The following MRE11 variants were observed in gnomAD, a reference collection of about 807,000 sequenced individuals.
MRE11 encodes the protein MRE11 double strand break repair nuclease.
In MRE11, 62 loss-of-function variants were observed where a neutral mutation model predicts 91.7. The observed-to-expected ratio is 0.68, with a 90% CI of 0.55 to 0.84. The LOEUF (loss-of-function observed/expected upper bound fraction) is 0.84, where lower values mean the gene tolerates loss of function less well. MRE11 is among the 40% of genes least tolerant of loss of function. The pLI is 0.00. For synonymous variants in MRE11, 273 were observed against 271.4 expected (o/e 1.01, Z -0.06); for missense variants, 796 against 852.9 (o/e 0.93, Z 0.83).
intron 14 of MRE11, among the ~76,000 whole-genome samples, chr11:94,452,392 G>T (rs1316537497): frequency 6.6e-6 from 1 of 152,032 alleles, no homozygotes; most frequent in Non-Finnish European, 1.5e-5. Context: ...GACTTGTAAA[G>T]ATCAAAAGAT....
chr11:94,456,422 C>G, intron 13 of MRE11, 84 bp from the exon 14 acceptor site: 1 of 1,058,978 alleles, frequency 9.4e-7, no homozygotes, highest in Non-Finnish European at 1.4e-6. Context: ...TTAAGAAATG[C>G]TTTATGTTAT....
intron 14 of MRE11, among the ~76,000 whole-genome samples, chr11:94,454,282 C>T (rs1346255609): frequency 1.3e-5 from 2 of 151,992 alleles, no homozygotes; most frequent in African/African-American, 4.8e-5. Flanking sequence ...CCATGTTGCC[C>T]AGGCTGGTCT....
Position 94,418,289 on chromosome 11 carries a change from A to C in MRE11, c.*1836T>G. ...TCACAAAATGACCTGAATTAGCTGG[A>C]GAGATTTATCACCCTCTGTAACTGC... On this transcript the variant is annotated 3_prime_UTR_variant, in exon 20 of 20. Transcript: ENST00000323929. 1 of 233,178 alleles carries C rather than the reference A, an allele frequency of 4.3e-6. No individual in the cohort carries two copies. The highest frequency in any genetic ancestry group is 8.5e-6 in the Non-Finnish European group (1 of 118,012). The allele number at this position is 233,178 out of a possible 1,614,324, so 14.4% of individuals were successfully genotyped here.
intron 12 of MRE11, among the ~76,000 whole-genome samples, chr11:94,460,243 G>C (rs1189253300): frequency 6.6e-6 from 1 of 151,726 alleles, no homozygotes; most frequent in Admixed American, 6.6e-5. Context: ...TACGATTTCT[G>C]ACCTACACGA....
At chr11:94,461,584 C>T (rs764466868) in intron 11 of MRE11, among the ~76,000 whole-genome samples, 5 of 152,204 alleles carry the variant, frequency 3.3e-5, no homozygotes, top group Non-Finnish European at 7.3e-5. Flanking sequence ...CCTCTCTCAT[C>T]ACTCCTATTC....
At chr11:94,431,041 T>A (rs1945451027) in intron 18 of MRE11, among the ~76,000 whole-genome samples, 1 of 152,200 alleles carries the variant, frequency 6.6e-6, no homozygotes, top group Non-Finnish European at 1.5e-5. Flanking sequence ...TAAGAAAAAG[T>A]CTGCTGATTC....
chr11:94,448,405 T>G (rs1946003906), intron 14 of MRE11, among the ~76,000 whole-genome samples: 1 of 151,530 alleles, frequency 6.6e-6, no homozygotes, highest in East Asian at 1.9e-4. Context: ...GGCGAGACCC[T>G]GCCTCCACCA....
chr11:94,498,436 G>A (rs141707065), upstream of MRE11: 554 of 1,613,602 alleles, frequency 3.4e-4, no homozygotes, highest in Non-Finnish European at 4.4e-4. Context: ...AAAACAACTT[G>A]GAAGAAACTG....
rs765958437 is a variant in MRE11 at position 94,429,931 on chromosome 11, C to G, written c.2050G>C (p.Val684Leu). The G allele has an allele frequency of 1.2e-5, 19 of 1,613,498 alleles. No individual in the cohort carries two copies. Among genetic ancestry groups the G allele is most frequent in the Middle Eastern group, 1.7e-4 (1 of 5,838 alleles). The change falls in exon 19 of 20, where the codon GTT becomes CTT. Residue 684 changes from valine (V) to leucine (L), a missense_variant. Coordinates refer to ENST00000323929, the MANE Select transcript of MRE11 (RefSeq NM_005591.4). ...IMSQSQVSKG[V>L]DFESSEDDDD... ...TTTACCTCACTTGATTCAAAATCAA[C>G]CCCTTTCGATACTTGACTCTGGGAC...
At position 94,447,059 on chromosome 11, in the gene MRE11, G is replaced by C. The variant is rs13447696; in HGVS notation, c.1783+160C>G. Among the ~76,000 whole-genome samples, 414 of 152,304 alleles carry C rather than the reference G, an allele frequency of 2.7e-3. 1 individual carries two copies. Among genetic ancestry groups the C allele is most frequent in the Middle Eastern group, 0.01 (3 of 294 alleles). Reference sequence around the variant, plus strand: ...TTATTTAAGTAAAAGGCACATGTCAGAACTGCCTTAAAGACTGTCTTTATA... The same window carrying C: ...TTATTTAAGTAAAAGGCACATGTCACAACTGCCTTAAAGACTGTCTTTATA... On this transcript the variant is annotated intron_variant, in intron 15 of 19. Transcript: ENST00000323929.
At chr11:94,455,360 C>CT (rs1946223054) in intron 14 of MRE11, among the ~76,000 whole-genome samples, 1 of 152,054 alleles carries the variant, frequency 6.6e-6, no homozygotes, top group East Asian at 1.9e-4. Context: ...CAGACCTCAG[C>CT]TTTTTTATAT....
At chr11:94,486,605 T>A (rs985563066) in intron 3 of MRE11, among the ~76,000 whole-genome samples, 1 of 152,144 alleles carries the variant, frequency 6.6e-6, no homozygotes. Flanking sequence ...CTAAATATGT[T>A]CAAACTCTAA....
chr11:94,456,284 C>A lies in MRE11; in HGVS notation c.1555G>T (p.Val519Phe), dbSNP rs778116138. 2.5e-6 allele frequency: 4 copies of A among 1,610,280 alleles called. No individual in the cohort carries two copies. The African/African-American group carries it at 5.3e-5, about 22-fold the overall frequency. ...QKNTNEEDDE[V>F]REAMTRARAL... Reference sequence around the variant, plus strand: ...TGCAGCAGAATAATTACCTCACGGACTTCATCATCTTCTTCATTAGTATTT... The same window carrying A: ...TGCAGCAGAATAATTACCTCACGGAATTCATCATCTTCTTCATTAGTATTT... Residue 519 changes from valine (V) to phenylalanine (F), a missense_variant, in exon 14 of 20, where the codon GTC (valine) becomes TTC (phenylalanine). Physicochemically the swap from Val to Phe is conservative, Grantham distance 50. Transcript: ENST00000323929.
rs1426722991 is a variant in MRE11, at chr11:94,470,173, AATC to A, written c.1017+295_1017+297del. On this transcript the variant is annotated intron_variant, in intron 9 of 19. Coordinates refer to ENST00000323929, the MANE Select transcript of MRE11 (RefSeq NM_005591.4). ...CCTGCTTTCATAAATAAAATGAACA[AATC>A]ATCAAATCAGGATTAAAAAGGAGAA... is the stretch of plus-strand genomic sequence containing the variant. Among the ~76,000 whole-genome samples, 3 of 152,222 alleles carry A rather than the reference AATC, an allele frequency of 2.0e-5. No homozygotes were observed. The South Asian group carries it at 6.2e-4, about 32-fold the overall frequency.
At chr11:94,432,488 C>T (rs1369994564) in intron 18 of MRE11, among the ~76,000 whole-genome samples, 1 of 152,178 alleles carries the variant, frequency 6.6e-6, no homozygotes, top group African/African-American at 2.4e-5. Context: ...GCACGCTGTC[C>T]AGAGGTAAAT....
At chr11:94,466,976 G>A (rs942557075) in intron 10 of MRE11, among the ~76,000 whole-genome samples, 8 of 152,048 alleles carry the variant, frequency 5.3e-5, no homozygotes, top group Admixed American at 1.3e-4. Flanking sequence ...ACTATGAGAC[G>A]GGACGGATAC....
At chr11:94,442,888 A>G (rs1945822934) in intron 16 of MRE11, among the ~76,000 whole-genome samples, 2 of 152,150 alleles carry the variant, frequency 1.3e-5, no homozygotes, top group Non-Finnish European at 2.9e-5. Flanking sequence ...CTCTGCTTTT[A>G]TATTAAACCT....
In MRE11 at chr11:94,429,833, C is replaced by T. The variant is rs1945415070; in HGVS notation, c.2070+78G>A. ...GTTATTTATCAAAGAAAAAAAAGTT[C>T]AGCAACTAGCTGGCAGTCTCTATTT... On this transcript the variant is annotated intron_variant, in intron 19 of 19. Coordinates refer to ENST00000323929, the MANE Select transcript of MRE11 (RefSeq NM_005591.4). The T allele has an allele frequency of 7.1e-6, 9 of 1,259,968 alleles. No homozygotes were observed. The East Asian group carries it at 2.1e-4, about 29-fold the overall frequency. 78.0% of individuals were successfully genotyped at this position (1,259,968 alleles called of 1,614,324 possible).
At chr11:94,492,941 T>A (rs565877225) in intron 1 of MRE11, 35 bp from the exon 2 acceptor site, 12 of 777,752 alleles carry the variant, frequency 1.5e-5, no homozygotes, top group South Asian at 4.5e-5. Flanking sequence ...ACACATTTTT[T>A]AAAAGCCTGC....
Sources: allele counts gnomAD v4.1 joint callset (sites outside exome capture counted in the v4.1 genomes callset), GRCh38; gene constraint gnomAD v4.1.1; transcripts MANE v1.5; gene names NCBI Gene and HGNC (gene_info 2026-07-23, HGNC 2026-07-21).